The following JAK1 variants were observed in gnomAD, a reference collection of about 807,000 sequenced individuals.
The protein encoded by JAK1 is Janus kinase 1, also known as tyrosine-protein kinase JAK1.
In JAK1, 16 loss-of-function variants were observed where a neutral mutation model predicts 136.6. The ratio of observed to expected loss-of-function variants is 0.12; its 90% CI spans 0.08 to 0.18. JAK1 has a LOEUF of 0.18. Among genes scored for constraint, JAK1 ranks in the 10% least tolerant of loss-of-function variants. The pLI is 1.00. For synonymous variants in JAK1, 492 were observed against 519.5 expected (o/e 0.95, Z 0.72); for missense variants, 859 against 1,450.1 (o/e 0.59, Z 6.62).
chr1:64,960,984 T>A (rs1274626295), intron 1 of JAK1, among the ~76,000 whole-genome samples: 1 of 152,210 alleles, frequency 6.6e-6, no homozygotes, highest in East Asian at 1.9e-4. Context: ...TTGTTTCACT[T>A]TTGAGTTTTG....
At chr1:65,020,847 A>T (rs1194854589) in intron 2 of JAK1, among the ~76,000 whole-genome samples, 7 of 152,152 alleles carry the variant, frequency 4.6e-5, no homozygotes, top group Non-Finnish European at 2.9e-5. Context: ...TGGTAACAAA[A>T]TACTCTAGAA....
At chr1:65,062,039 T>C (rs1273845049) in intron 1 of JAK1, among the ~76,000 whole-genome samples, 1 of 151,992 alleles carries the variant, frequency 6.6e-6, no homozygotes, top group African/African-American at 2.4e-5. Flanking sequence ...AAGGTCCATG[T>C]GGACGAAAAA....
At chr1:64,904,746 T>TACACAC (rs56049405) in intron 1 of JAK1, among the ~76,000 whole-genome samples, 2 of 150,970 alleles carry the variant, frequency 1.3e-5, no homozygotes, top group Admixed American at 6.6e-5. Context: ...CACACATATA[T>TACACAC]ACACACACAC....
intron 2 of JAK1, among the ~76,000 whole-genome samples, chr1:64,987,054 A>C (rs1449891927): frequency 6.6e-6 from 1 of 152,228 alleles, no homozygotes. Flanking sequence ...AGCCATTGCC[A>C]CAGTCAGGTG....
Position 65,063,804 on chromosome 1 carries a change from CAAAAAAAAAAAAAA to C in JAK1, c.-181+3786_-181+3799del, listed in dbSNP as rs370192253. On this transcript the variant is annotated intron_variant, in intron 1 of 25. Coordinates refer to the JAK1 transcript ENST00000671954. ...TGGAAGACAGAGAGAGACTCTATCT[CAAAAAAAAAAAAAA>C]AAAAAGAAAGAAAAAAAGAAAAGAA... Among the ~76,000 whole-genome samples the C allele has an allele frequency of 4.1e-4, 33 of 81,368 alleles. 1 individual carries two copies. Among genetic ancestry groups the C allele is most frequent in the Admixed American group, 1.8e-3 (14 of 7,638 alleles). 53.4% of individuals were successfully genotyped at this position (81,368 alleles called of 152,430 possible). A position where few individuals can be genotyped will look rare whatever the true frequency, so the allele number is the denominator to read the frequency against.
chr1:65,062,831 T>C (rs1647849991), intron 1 of JAK1, among the ~76,000 whole-genome samples: 1 of 147,856 alleles, frequency 6.8e-6, no homozygotes, highest in Admixed American at 6.6e-5. Context: ...AACAGATACT[T>C]GATTGATTGA....
At chr1:64,965,230 C>T (rs1646350911) in intron 1 of JAK1, among the ~76,000 whole-genome samples, 1 of 152,124 alleles carries the variant, frequency 6.6e-6, no homozygotes, top group Non-Finnish European at 1.5e-5. Flanking sequence ...AATTTTATAC[C>T]ACTGTAAATT....
At chr1:64,986,020 CA>C in intron 2 of JAK1, 2 of 1,348,618 alleles carry the variant, frequency 1.5e-6, no homozygotes, top group Non-Finnish European at 2.1e-6. Flanking sequence ...GTGTTGTAGC[CA>C]AATTGGAAAG....
intron 1 of JAK1, among the ~76,000 whole-genome samples, chr1:64,963,457 T>C (rs1467465567): frequency 7.0e-6 from 1 of 142,698 alleles, no homozygotes; most frequent in Non-Finnish European, 1.5e-5. Flanking sequence ...GAAAACTAAG[T>C]ATACTAAAAA....
At chr1:64,842,664 T>C (rs1401811142) in intron 17 of JAK1, among the ~76,000 whole-genome samples, 1 of 152,220 alleles carries the variant, frequency 6.6e-6, no homozygotes, top group Admixed American at 6.5e-5. Context: ...CCACCCTGTA[T>C]GCTGTTCAGC....
At chr1:64,995,559 G>A (rs374884612) in intron 2 of JAK1, among the ~76,000 whole-genome samples, 2 of 152,154 alleles carry the variant, frequency 1.3e-5, no homozygotes, top group African/African-American at 4.8e-5. Context: ...TTAATAATGC[G>A]AAAATACTGA....
At chr1:64,980,908 C>T (rs1646539384) in intron 2 of JAK1, among the ~76,000 whole-genome samples, 1 of 152,178 alleles carries the variant, frequency 6.6e-6, no homozygotes, top group East Asian at 1.9e-4. Context: ...ATGAACTCAT[C>T]ATTTTTTATG....
intron 1 of JAK1, among the ~76,000 whole-genome samples, chr1:64,955,193 C>T (rs530539417): frequency 6.6e-6 from 1 of 152,146 alleles, no homozygotes; most frequent in Non-Finnish European, 1.5e-5. Flanking sequence ...GGTGACATTA[C>T]GAAGAAAGAG....
chr1:64,929,581 C>G (rs1479973912), intron 1 of JAK1, among the ~76,000 whole-genome samples: 1 of 152,100 alleles, frequency 6.6e-6, no homozygotes, highest in Non-Finnish European at 1.5e-5. Context: ...TTGACTTTAC[C>G]ATAAGTAAAT....
At chr1:64,977,454 CTTT>C (rs60862617) in intron 2 of JAK1, among the ~76,000 whole-genome samples, 1 of 141,420 alleles carries the variant, frequency 7.1e-6, no homozygotes, top group Non-Finnish European at 1.6e-5. Flanking sequence ...ACCCAGCCAT[CTTT>C]TTTTTTTTTT....
At chr1:64,881,303 C>A (rs1489831673) in intron 3 of JAK1, among the ~76,000 whole-genome samples, 1 of 151,670 alleles carries the variant, frequency 6.6e-6, no homozygotes, top group Non-Finnish European at 1.5e-5. Context: ...AAGTATTACC[C>A]TTTAATCCTC....
Position 64,844,884 on chromosome 1 carries a change from A to G in JAK1, c.2121T>C (p.Asp707=), listed in dbSNP as rs2100996282. The G allele has an allele frequency of 6.2e-7, 1 of 1,614,164 alleles. No homozygotes were observed. Among genetic ancestry groups the G allele is most frequent in the South Asian group, 1.1e-5 (1 of 91,088 alleles). ...ACACATTTCCATGGACCAGGTCTTT[A>G]TCCTCCTGCAGAGTAAAAAGGTCAA... is the stretch of plus-strand genomic sequence containing the variant. ...QLASALSYLE[D]KDLVHGNVCT... The change falls in exon 16 of 25, where the codon GAT becomes GAC. Residue 707 remains aspartate, a synonymous_variant. Coordinates refer to ENST00000342505, the MANE Select transcript of JAK1 (RefSeq NM_002227.4). This position sits in a 1 kb window ranked among gnomAD's most constrained non-coding sequence, Gnocchi z 5.7.
intron 10 of JAK1, 39 bp downstream of exon 10, chr1:64,857,617 T>C (rs369482923): frequency 4.3e-6 from 7 of 1,612,312 alleles, no homozygotes; most frequent in South Asian, 1.1e-5. Context: ...GGACACCTCA[T>C]GGCTGTATGG....
At chr1:64,920,263 C>T (rs991691521) in intron 1 of JAK1, among the ~76,000 whole-genome samples, 1 of 152,086 alleles carries the variant, frequency 6.6e-6, no homozygotes, top group Non-Finnish European at 1.5e-5. Context: ...ATAAACAGGA[C>T]AAGTGTGGTG....
Sources: gnomAD v4.1 joint callset for allele counts (sites outside exome capture counted in the v4.1 genomes callset) on GRCh38, gnomAD v4.1.1 for gene constraint, Gnocchi (gnomAD v3.1) non-coding constraint, MANE v1.5 for transcripts, NCBI Gene and HGNC (gene_info 2026-07-23, HGNC 2026-07-21) for gene names.